ATP1A4: variants seen among roughly 807,000 people sequenced by gnomAD.
ATP1A4 encodes sodium/potassium-transporting ATPase subunit alpha-4.
Under a neutral mutation model 114.3 loss-of-function variants are expected in ATP1A4, and 90 were observed. The observed-to-expected ratio is 0.79, with a 90% CI of 0.66 to 0.94. The LOEUF is 0.94. ATP1A4 is among the 40% of genes least tolerant of loss of function. The probability of loss-of-function intolerance (pLI) is 0.00; values close to 1 mark genes in which losing one functional copy is unlikely to be tolerated. For synonymous variants in ATP1A4, 511 were observed against 494.1 expected (o/e 1.03, Z -0.45); for missense variants, 1,222 against 1,313.6 (o/e 0.93, Z 1.08).
At chr1:160,163,725 A>T (rs1433907944) in intron 6 of ATP1A4, among the ~76,000 whole-genome samples, 1 of 152,160 alleles carries the variant, frequency 6.6e-6, no homozygotes, top group Non-Finnish European at 1.5e-5. Context: ...AATCGGTTAC[A>T]TTATTAGCCA....
intron 3 of ATP1A4, 52 bp from the exon 4 acceptor site, chr1:160,155,993 T>C: frequency 9.0e-7 from 1 of 1,113,086 alleles, no homozygotes; most frequent in Non-Finnish European, 1.4e-6. Context: ...TTTCTGAGGA[T>C]GAAGAAGACG....
At chr1:160,184,019 C>T (rs1653797476) in intron 20 of ATP1A4, among the ~76,000 whole-genome samples, 1 of 146,496 alleles carries the variant, frequency 6.8e-6, no homozygotes, top group African/African-American at 2.5e-5. Context: ...GTAGCGCAAT[C>T]TCGGCTCACT....
At chr1:160,185,730 C>T (rs921610869) in intron 20 of ATP1A4, among the ~76,000 whole-genome samples, 20 of 151,794 alleles carry the variant, frequency 1.3e-4, no homozygotes, top group Admixed American at 7.9e-4. Context: ...ACCATCCTGA[C>T]CAACACAGTG....
chr1:160,161,484 A>T (rs527619865), intron 6 of ATP1A4, among the ~76,000 whole-genome samples: 2 of 152,158 alleles, frequency 1.3e-5, no homozygotes, highest in African/African-American at 2.4e-5. Context: ...CATCAACCCA[A>T]CCCCATCTCT....
chr1:160,176,001 C>T (rs1012859672), intron 15 of ATP1A4, 91 bp from the exon 16 acceptor site: 2 of 1,361,478 alleles, frequency 1.5e-6, no homozygotes, highest in Admixed American at 3.4e-5. Context: ...GACTGTGACA[C>T]TTCTTTGAGG....
intron 21 of ATP1A4, 124 bp downstream of exon 21, chr1:160,186,491 T>G (rs900111450): frequency 2.1e-5 from 22 of 1,061,184 alleles, no homozygotes; most frequent in Non-Finnish European, 3.1e-5. Flanking sequence ...CAGCCTTGAC[T>G]GCGCCTGGAG....
chr1:160,167,064 T>C lies in ATP1A4; in HGVS notation c.1343T>C (p.Leu448Pro). 4 of 1,614,070 alleles carry C rather than the reference T, an allele frequency of 2.5e-6. No individual in the cohort carries two copies. The highest frequency in any genetic ancestry group is 3.4e-6 in the Non-Finnish European group (4 of 1,179,956). Residue 448 changes from leucine to proline, a missense_variant, in exon 9 of 22, where the codon CTG (leucine) becomes CCG (proline). Leu to Pro is a moderately conservative substitution (Grantham distance 98). Coordinates refer to ENST00000368081, the MANE Select transcript of ATP1A4 (RefSeq NM_144699.4). ...RADFKANQEI[L>P]PIAKRATTGD... ...GACTTTAAGGCTAATCAGGAGATCC[T>C]GCCCATTGCTAAGGTGTCAGGCCCA...
At chr1:160,181,656 C>T (rs780206213) in intron 18 of ATP1A4, 28 bp from the exon 19 acceptor site, 2 of 1,613,046 alleles carry the variant, frequency 1.2e-6, no homozygotes, top group South Asian at 1.1e-5. Context: ...CCTTCTGACA[C>T]TGTTTCCTCT....
chr1:160,159,017 C>T lies in ATP1A4; in HGVS notation c.541C>T (p.Arg181Ter), dbSNP rs1199375669. The part of the protein sequence containing the change: ...NMVPQQALVI[R>*]GGEKMQINVQ... ...CCTCTCATAGCAAGCTCTGGTAATT[C>T]GAGGAGGAGAGAAGATGCAAATTAA... Residue 181 changes from arginine to a stop codon, truncating the protein, a stop_gained, in exon 5 of 22, where the codon CGA becomes TGA. Coordinates refer to ENST00000368081, the MANE Select transcript of ATP1A4 (RefSeq NM_144699.4). LOFTEE classifies it high-confidence loss of function. 19 of 1,613,700 alleles carry T rather than the reference C, an allele frequency of 1.2e-5. No individual in the cohort carries two copies. Among genetic ancestry groups the T allele is most frequent in the South Asian group, 7.7e-5 (7 of 91,022 alleles).
chr1:160,165,455 G>GTTCTTTGT (rs1394550587), intron 7 of ATP1A4, among the ~76,000 whole-genome samples: 2 of 152,102 alleles, frequency 1.3e-5, no homozygotes, highest in African/African-American at 4.8e-5. Flanking sequence ...TCTCCTCCAC[G>GTTCTTTGT]TTCTTTGTTT....
chr1:160,175,590 G>C (rs1342318071), intron 15 of ATP1A4, among the ~76,000 whole-genome samples: 1 of 151,786 alleles, frequency 6.6e-6, no homozygotes, highest in Non-Finnish European at 1.5e-5. Context: ...AGTGCCATGG[G>C]ACAGACCAAG....
intron 10 of ATP1A4, among the ~76,000 whole-genome samples, chr1:160,168,377 CTTTTTT>C (rs11397218): frequency 1.0e-4 from 10 of 97,060 alleles, no homozygotes; most frequent in African/African-American, 3.2e-4. Context: ...CTGCTGGTAT[CTTTTTT>C]TTTTTTTTTT....
intron 20 of ATP1A4, chr1:160,182,632 A>G (rs1405385572): frequency 1.3e-5 from 2 of 152,950 alleles, no homozygotes; most frequent in Admixed American, 6.5e-5. Context: ...GCCTCAGTTA[A>G]GGATTTAGTA....
At chr1:160,157,696 A>T (rs1264271649) in intron 4 of ATP1A4, among the ~76,000 whole-genome samples, 2 of 152,236 alleles carry the variant, frequency 1.3e-5, no homozygotes, top group Non-Finnish European at 2.9e-5. Flanking sequence ...CTTACCCTCA[A>T]GTAGTTCAGG....
At chr1:160,157,081 G>A (rs1283880247) in intron 4 of ATP1A4, among the ~76,000 whole-genome samples, 1 of 126,720 alleles carries the variant, frequency 7.9e-6, no homozygotes, top group East Asian at 2.2e-4. Flanking sequence ...AGACAGAGAC[G>A]CTGTCTCAAA....
chr1:160,171,781 G>C lies in ATP1A4; in HGVS notation c.1854+24G>C, dbSNP rs1453111439. 3.7e-6 allele frequency: 6 copies of C among 1,606,468 alleles called. No individual in the cohort carries two copies. In the Admixed American group the frequency reaches 1.0e-4, roughly 27 times the overall value. On this transcript the variant is annotated intron_variant, in intron 12 of 21. Transcript: ENST00000368081. ...AGGTAAATACTTGCCCAGACCAGGAGCCCCTCACCTGTCACAAGTTGAAGC... is the reference window on the plus strand; with the variant it reads ...AGGTAAATACTTGCCCAGACCAGGACCCCCTCACCTGTCACAAGTTGAAGC...
intron 19 of ATP1A4, 54 bp downstream of exon 19, chr1:160,181,868 A>T: frequency 6.2e-7 from 1 of 1,613,664 alleles, no homozygotes; most frequent in Admixed American, 1.7e-5. Context: ...ACACCAGGAC[A>T]TGCCATTTCC....
Position 160,167,445 on chromosome 1 carries a change from TG to T in ATP1A4, c.1491+39del, listed in dbSNP as rs374806321. On this transcript the variant is annotated intron_variant, in intron 10 of 21. Transcript: ENST00000368081. ...ACCCACAAAGGTAGGAGAATGGTGGTGGGGGGATGGGCTTATCACTGGAACA... is the reference window on the plus strand; with the variant it reads ...ACCCACAAAGGTAGGAGAATGGTGGTGGGGGATGGGCTTATCACTGGAACA... 6.8e-4 allele frequency: 1,097 copies of T among 1,607,908 alleles called. 4 individuals are homozygous for T. The African/African-American group carries it at 0.013, about 19-fold the overall frequency.
intron 5 of ATP1A4, 50 bp downstream of exon 5, chr1:160,159,186 C>T: frequency 6.3e-7 from 1 of 1,590,388 alleles, no homozygotes; most frequent in Non-Finnish European, 8.6e-7. Context: ...GATCTCATGG[C>T]AGGGTAGACA....
Sources: allele counts gnomAD v4.1 joint callset (sites outside exome capture counted in the v4.1 genomes callset), GRCh38; gene constraint gnomAD v4.1.1; transcripts MANE v1.5; gene names NCBI Gene and HGNC (gene_info 2026-07-23, HGNC 2026-07-21).